The following BAIAP2L2 variants were observed in gnomAD, a reference collection of about 807,000 sequenced individuals.
BAIAP2L2 encodes BAR/IMD domain containing adaptor protein 2 like 2, also known as BAR/IMD domain-containing adapter protein 2-like 2.
Under a neutral mutation model 60.4 loss-of-function variants are expected in BAIAP2L2, and 65 were observed. The ratio of observed to expected loss-of-function variants is 1.08; its 90% CI spans 0.88 to 1.32. The LOEUF is 1.32. Ranked by LOEUF, BAIAP2L2 falls within the 40% of genes most tolerant of loss-of-function variation. The pLI is 0.00. For missense variants in BAIAP2L2, 836 were observed against 741.2 expected (o/e 1.13, Z -1.48); for synonymous variants, 344 against 301.7 (o/e 1.14, Z -1.45).
intron 7 of BAIAP2L2, among the ~76,000 whole-genome samples, chr22:38,095,108 G>A (rs192970008): frequency 3.4e-3 from 517 of 152,220 alleles, no homozygotes; most frequent in Admixed American, 7.2e-3. Flanking sequence ...CTGAGATTGC[G>A]CCACTGCACT....
At chr22:38,109,111 G>C (rs371878904) in intron 2 of BAIAP2L2, 22 bp downstream of exon 2, 1 of 1,597,948 alleles carries the variant, frequency 6.3e-7, no homozygotes, top group South Asian at 1.1e-5. Flanking sequence ...GCTGGGGCTC[G>C]GTGGCCCGGG....
chr22:38,095,134 G>C (rs2145986732), intron 7 of BAIAP2L2, among the ~76,000 whole-genome samples: 1 of 152,262 alleles, frequency 6.6e-6, no homozygotes, highest in Middle Eastern at 3.4e-3. Context: ...CTGGGCAACA[G>C]AGCAAGACTC....
intron 4 of BAIAP2L2, among the ~76,000 whole-genome samples, chr22:38,103,123 G>A (rs570827404): frequency 1.3e-4 from 20 of 152,078 alleles, no homozygotes; most frequent in Non-Finnish European, 2.1e-4. Flanking sequence ...GGCTGAGGCA[G>A]GAAGATCATT....
chr22:38,108,173 C>G, intron 3 of BAIAP2L2, 82 bp downstream of exon 3: 1 of 1,352,026 alleles, frequency 7.4e-7, no homozygotes, highest in Non-Finnish European at 1.0e-6. Flanking sequence ...AGGCCTGTGT[C>G]AGGGACTCGG....
chr22:38,094,824 C>T (rs552091551), intron 7 of BAIAP2L2, among the ~76,000 whole-genome samples: 145 of 134,696 alleles, frequency 1.1e-3, no homozygotes, highest in Non-Finnish European at 1.9e-3. Context: ...TCGGGGAGGG[C>T]GTGGGAGGCG....
chr22:38,109,134 G>A lies in BAIAP2L2; in HGVS notation c.126C>T (p.His42=), dbSNP rs180955272. The A allele has an allele frequency of 2.4e-5, 38 of 1,611,704 alleles. No individual in the cohort carries two copies. Among genetic ancestry groups the A allele is most frequent in the Admixed American group, 1.5e-4 (9 of 59,982 alleles). Residue 42 remains histidine, a splice_region_variant and synonymous_variant, in exon 2 of 14, where the codon CAC becomes CAT. Coordinates refer to ENST00000381669, the MANE Select transcript of BAIAP2L2 (RefSeq NM_025045.6). ...YLGNNYLRAF[H]ALSEAAEVYF... is the part of the protein sequence containing the mutation. ...TCGGTGGCCCGGGCAGGCACTCACC[G>A]TGGAAGGCACGCAGGTAGTTGTTGC...
At chr22:38,105,583 T>C (rs555455791) in intron 4 of BAIAP2L2, among the ~76,000 whole-genome samples, 2 of 152,178 alleles carry the variant, frequency 1.3e-5, no homozygotes, top group African/African-American at 4.8e-5. Flanking sequence ...CCTCAGGTGA[T>C]CCGCCCACCT....
chr22:38,098,023 CCGCCCTTCCTGGCCCA>C, intron 6 of BAIAP2L2, 24 bp downstream of exon 6: 1 of 860,284 alleles, frequency 1.2e-6, no homozygotes, highest in Non-Finnish European at 1.9e-6. Context: ...GTCTGCCCAC[CCGCCCTTCCTGGCCCA>C]CCCCCGCTTC....
rs2086065745 is a variant in BAIAP2L2, at chr22:38,086,300, G to A, written c.1409C>T (p.Pro470Leu). 11 of 1,590,336 alleles carry A rather than the reference G, an allele frequency of 6.9e-6. No homozygotes were observed. The highest frequency in any genetic ancestry group is 9.4e-6 in the Non-Finnish European group (11 of 1,165,138). The change falls in exon 12 of 14, where the codon CCC becomes CTC. Residue 470 changes from proline to leucine, a missense_variant. Pro to Leu is a moderately conservative substitution (Grantham distance 98, BLOSUM62 -3). Coordinates refer to ENST00000381669, the MANE Select transcript of BAIAP2L2 (RefSeq NM_025045.6). ...PSRAPSPAPP[P>L]LPSSRRSSMG... ...GCTGCTGCGGCGGCTGCTGGGCAAG[G>A]GTGGAGGTGCAGGGCTGGGGGCACG...
rs939222100 is a variant in BAIAP2L2 at position 38,088,782 on chromosome 22, C to T, written c.1084G>A (p.Gly362Ser). Reference protein sequence around the residue: ...VEVLVPEAQNGWLYGKLEGSS... With the variant: ...VEVLVPEAQNSWLYGKLEGSS... ...CCCTCCAGCTTGCCGTAGAGCCAGCCGTTCTGGGCCTCGGGCACCAACACC... is the reference window on the plus strand; with the variant it reads ...CCCTCCAGCTTGCCGTAGAGCCAGCTGTTCTGGGCCTCGGGCACCAACACC... The change falls in exon 10 of 14, where the codon GGC becomes AGC. Residue 362 changes from glycine to serine, a missense_variant. By Grantham distance (56) the Gly-to-Ser change is moderately conservative (BLOSUM62 0). Transcript: ENST00000381669. 10 of 1,601,030 alleles carry T rather than the reference C, an allele frequency of 6.2e-6. No individual in the cohort carries two copies. Among genetic ancestry groups the T allele is most frequent in the South Asian group, 2.2e-5 (2 of 90,888 alleles).
At chr22:38,087,900 C>CT (rs1555962605) in intron 10 of BAIAP2L2, among the ~76,000 whole-genome samples, 20 of 151,472 alleles carry the variant, frequency 1.3e-4, no homozygotes, top group Admixed American at 2.6e-4. Flanking sequence ...ACCCCCCCCC[C>CT]GCCATTTAAG....
intron 4 of BAIAP2L2, among the ~76,000 whole-genome samples, chr22:38,104,401 G>C (rs775225269): frequency 6.6e-6 from 1 of 152,136 alleles, no homozygotes; most frequent in Non-Finnish European, 1.5e-5. Context: ...CTATGGGAAA[G>C]TCAGAGCAGA....
At chr22:38,089,768 C>G in intron 7 of BAIAP2L2, 94 bp from the exon 8 acceptor site, 1 of 1,149,596 alleles carries the variant, frequency 8.7e-7, no homozygotes, top group South Asian at 4.4e-5. Context: ...GAGCTCAGGC[C>G]CTACCAGCTC....
intron 2 of BAIAP2L2, 130 bp downstream of exon 2, chr22:38,109,003 G>GGGT: frequency 1.3e-6 from 1 of 798,638 alleles, no homozygotes; most frequent in Non-Finnish European, 2.1e-6. Flanking sequence ...GTGAGGGTGA[G>GGGT]GGTGGTGGGT....
chr22:38,103,028 A>G (rs2086597183), intron 4 of BAIAP2L2, among the ~76,000 whole-genome samples: 1 of 151,508 alleles, frequency 6.6e-6, no homozygotes, highest in Non-Finnish European at 1.5e-5. Flanking sequence ...CCTGGGAGAC[A>G]GAGTGACACT....
chr22:38,104,427 CA>C (rs1189716825), intron 4 of BAIAP2L2, among the ~76,000 whole-genome samples: 1 of 151,808 alleles, frequency 6.6e-6, no homozygotes, highest in Non-Finnish European at 1.5e-5. Context: ...CCAGGGTCTC[CA>C]ACAGACAAAG....
chr22:38,101,832 T>G (rs2086575116), intron 4 of BAIAP2L2, among the ~76,000 whole-genome samples: 1 of 151,980 alleles, frequency 6.6e-6, no homozygotes, highest in Non-Finnish European at 1.5e-5. Context: ...CCAGCCTGGG[T>G]GACAGAGCAA....
At chr22:38,107,341 G>T (rs577219620) in intron 4 of BAIAP2L2, among the ~76,000 whole-genome samples, 273 of 152,266 alleles carry the variant, frequency 1.8e-3, no homozygotes, top group Non-Finnish European at 3.0e-3. Flanking sequence ...CCCGCAGCGG[G>T]GACACCAGCA....
chr22:38,100,884 T>G (rs961299054), intron 4 of BAIAP2L2, among the ~76,000 whole-genome samples: 4 of 152,168 alleles, frequency 2.6e-5, no homozygotes, highest in Admixed American at 2.0e-4. Flanking sequence ...CAGGGCACAG[T>G]TCCACTCAAA....
Sources: allele counts gnomAD v4.1 joint callset (sites outside exome capture counted in the v4.1 genomes callset), GRCh38; gene constraint gnomAD v4.1.1; transcripts MANE v1.5; gene names NCBI Gene and HGNC (gene_info 2026-07-23, HGNC 2026-07-21).